LEKR1: variants seen among roughly 807,000 people sequenced by gnomAD.
LEKR1 encodes the protein protein LEKR1.
In LEKR1, 59 loss-of-function variants were observed where a neutral mutation model predicts 72.4. The observed-to-expected ratio is 0.82, with a 90% confidence interval of 0.66 to 1.01. The LOEUF (loss-of-function observed/expected upper bound fraction) is 1.01. LEKR1 is among the 50% of genes least tolerant of loss of function. LEKR1 has a pLI of 0.00. For synonymous variants in LEKR1, 257 were observed against 263.2 expected (o/e 0.98, Z 0.23); for missense variants, 728 against 759.2 (o/e 0.96, Z 0.48).
chr3:156,876,923 G>T (rs1718667337), intron 3 of LEKR1, among the ~76,000 whole-genome samples: 1 of 150,550 alleles, frequency 6.6e-6, no homozygotes, highest in African/African-American at 2.4e-5. Context: ...AATGTTTTCA[G>T]CTTTTCCCCA....
intron 9 of LEKR1, among the ~76,000 whole-genome samples, chr3:156,993,778 G>T (rs150027836): frequency 6.6e-6 from 1 of 152,246 alleles, no homozygotes; most frequent in East Asian, 1.9e-4. Context: ...GAAGTACATT[G>T]GTCCAGGCTT....
At chr3:156,859,776 T>C (rs1716544435) in intron 3 of LEKR1, among the ~76,000 whole-genome samples, 2 of 152,252 alleles carry the variant, frequency 1.3e-5, no homozygotes, top group Admixed American at 1.3e-4. Flanking sequence ...GTTCTACTTA[T>C]GCATCCTCCT....
chr3:156,903,619 A>C (rs554153776), intron 3 of LEKR1, among the ~76,000 whole-genome samples: 3 of 152,324 alleles, frequency 2.0e-5, no homozygotes, highest in African/African-American at 7.2e-5. Flanking sequence ...GCTAGACCTT[A>C]GGAATAACCT....
chr3:156,969,691 G>A (rs575972391), intron 6 of LEKR1, among the ~76,000 whole-genome samples: 278 of 152,248 alleles, frequency 1.8e-3, no homozygotes, highest in Non-Finnish European at 2.9e-3. Context: ...TCTACCAGAG[G>A]TACAAGGAGG....
chr3:156,874,129 TCTACTCTATTATTTAAGCTTTCAAATA>T, intron 3 of LEKR1, among the ~76,000 whole-genome samples: 1 of 152,134 alleles, frequency 6.6e-6, no homozygotes, highest in East Asian at 1.9e-4. Context: ...GTCTACTTGA[TCTACTCTATTATTTAAGCTTTCAAATA>T]TATTTTGCAT....
intron 6 of LEKR1, among the ~76,000 whole-genome samples, chr3:156,960,696 T>G (rs1348906611): frequency 6.6e-6 from 1 of 151,840 alleles, no homozygotes; most frequent in Non-Finnish European, 1.5e-5. Flanking sequence ...GCTCAAAAAT[T>G]TAAATACATG....
intron 3 of LEKR1, among the ~76,000 whole-genome samples, chr3:156,917,662 G>T (rs954210777): frequency 1.3e-4 from 20 of 152,114 alleles, no homozygotes; most frequent in African/African-American, 4.8e-4. Context: ...CAGCCAAACT[G>T]TTCCATCTGA....
rs139192663 is a variant in LEKR1 at position 156,848,227 on chromosome 3, C to T, written c.49-4541C>T. The stretch of plus-strand genomic sequence containing the variant: ...CATGGATGAATTATATTTCTGAGGG[C>T]TGATAGTGTCTTTGCATAGGATTGC... On this transcript the variant is annotated intron_variant, in intron 2 of 12. Coordinates refer to ENST00000356539, the MANE Select transcript of LEKR1 (RefSeq NM_001004316.3). 1.1e-4 allele frequency among the ~76,000 whole-genome samples: 16 copies of T among 152,232 alleles called. No individual in the cohort carries two copies. The East Asian group carries it at 3.1e-3, about 29-fold the overall frequency.
rs544472093 is a variant in LEKR1, at chr3:156,885,502, C to T, written c.263+32520C>T. 4.6e-5 allele frequency among the ~76,000 whole-genome samples: 7 copies of T among 152,310 alleles called. No homozygotes were observed. The East Asian group carries it at 1.3e-3, about 29-fold the overall frequency. ...CCCTTGATGTGGTACTCTCCCACTT[C>T]CCCTAGGGATGGGGCTTCCTGAGAG... is the stretch of plus-strand genomic sequence containing the variant. On this transcript the variant is annotated intron_variant, in intron 3 of 12. Coordinates refer to ENST00000356539, the MANE Select transcript of LEKR1 (RefSeq NM_001004316.3).
intron 3 of LEKR1, among the ~76,000 whole-genome samples, chr3:156,897,566 G>A (rs74183935): frequency 6.6e-6 from 1 of 152,290 alleles, no homozygotes; most frequent in East Asian, 1.9e-4. Context: ...CAGGCTATAG[G>A]TAAATTTAAA....
chr3:156,909,095 C>G (rs1188544850), intron 3 of LEKR1, among the ~76,000 whole-genome samples: 3 of 152,154 alleles, frequency 2.0e-5, no homozygotes, highest in Non-Finnish European at 4.4e-5. Context: ...TTCTCATTCT[C>G]TCGTTGCCGG....
At chr3:156,858,336 C>A (rs1716327369) in intron 3 of LEKR1, among the ~76,000 whole-genome samples, 1 of 151,902 alleles carries the variant, frequency 6.6e-6, no homozygotes, top group African/African-American at 2.4e-5. Context: ...TTTAAAGAAC[C>A]AGATTTTTGT....
At chr3:156,927,354 C>T (rs547561262) in intron 4 of LEKR1, 75 bp from the exon 5 acceptor site, 10 of 588,714 alleles carry the variant, frequency 1.7e-5, no homozygotes, top group Non-Finnish European at 2.1e-5. Context: ...TATGGTCACT[C>T]TAAAACTATT....
intron 3 of LEKR1, among the ~76,000 whole-genome samples, chr3:156,904,710 G>T (rs1722370760): frequency 6.6e-6 from 1 of 151,226 alleles, no homozygotes; most frequent in South Asian, 2.1e-4. Flanking sequence ...TGTTGCCCAG[G>T]CTGGTCCCAA....
chr3:156,989,902 CCCTTTA>C (rs1440130753), intron 7 of LEKR1, among the ~76,000 whole-genome samples: 1 of 152,058 alleles, frequency 6.6e-6, no homozygotes, highest in Non-Finnish European at 1.5e-5. Flanking sequence ...TGCAACATAG[CCCTTTA>C]CCTCTAGATA....
chr3:156,887,674 T>G (rs1720246603), intron 3 of LEKR1, among the ~76,000 whole-genome samples: 1 of 152,124 alleles, frequency 6.6e-6, no homozygotes, highest in South Asian at 2.1e-4. Context: ...AATATGAATT[T>G]TAATCATATA....
chr3:156,840,134 C>G lies in LEKR1; in HGVS notation c.48+10757C>G, dbSNP rs565019051. On this transcript the variant is annotated intron_variant, in intron 2 of 12. Coordinates refer to ENST00000356539, the MANE Select transcript of LEKR1 (RefSeq NM_001004316.3). Reference sequence around the variant, plus strand: ...TTAACATTTTCTTTTCTCTAGCTTACTTTATAAAATATGCATTAATTGAAT... The same window carrying G: ...TTAACATTTTCTTTTCTCTAGCTTAGTTTATAAAATATGCATTAATTGAAT... Among the ~76,000 whole-genome samples the G allele has an allele frequency of 6.2e-4, 95 of 152,216 alleles. 2 individuals are homozygous for G. The South Asian group carries it at 0.012, about 19-fold the overall frequency.
chr3:156,914,709 C>A (rs1723433987), intron 3 of LEKR1, among the ~76,000 whole-genome samples: 1 of 151,884 alleles, frequency 6.6e-6, no homozygotes, highest in Non-Finnish European at 1.5e-5. Context: ...TCTATGAAGG[C>A]CTCTCTTCCT....
intron 11 of LEKR1, among the ~76,000 whole-genome samples, chr3:157,025,513 G>T (rs1734123082): frequency 6.6e-6 from 1 of 152,022 alleles, no homozygotes; most frequent in South Asian, 2.1e-4. Flanking sequence ...ATAACATTTT[G>T]AATACATGCA....
Sources: gnomAD v4.1 joint callset for allele counts (sites outside exome capture counted in the v4.1 genomes callset) on GRCh38, gnomAD v4.1.1 for gene constraint, MANE v1.5 for transcripts, NCBI Gene and HGNC (gene_info 2026-07-23, HGNC 2026-07-21) for gene names.